EMC8: variants seen among roughly 807,000 people sequenced by gnomAD.
EMC8 encodes ER membrane protein complex subunit 8.
Under a neutral mutation model 24.3 loss-of-function variants are expected in EMC8, and 11 were observed. That is an observed-to-expected ratio of 0.45 (90% CI 0.28 to 0.75). EMC8 has a LOEUF of 0.75. Ranked by LOEUF, EMC8 falls within the 30% of genes least tolerant of loss-of-function variation. EMC8 has a pLI of 0.12. For synonymous variants in EMC8, 145 were observed against 117.7 expected, an observed-to-expected ratio of 1.23 and a Z score of -1.50; for missense variants, 277 against 282.7, an observed-to-expected ratio of 0.98 and a Z score of 0.14.
intron 2 of EMC8, chr16:85,787,701 G>A (rs1025201947): frequency 6.6e-5 from 10 of 152,226 alleles, no homozygotes; most frequent in Admixed American, 1.3e-4. Context: ...AAGAGCCAAT[G>A]TGCATGGGGA....
At chr16:85,785,580 GC>G (rs200859546) in intron 2 of EMC8, among the ~76,000 whole-genome samples, 2,970 of 151,790 alleles carry the variant, frequency 0.02, 86 homozygotes, top group African/African-American at 0.066. Context: ...CTCTGCCACC[GC>G]CCCGCCAAAA....
intron 2 of EMC8, among the ~76,000 whole-genome samples, chr16:85,788,457 T>C (rs1167343570): frequency 6.6e-6 from 1 of 152,232 alleles, no homozygotes; most frequent in Non-Finnish European, 1.5e-5. Context: ...CGCAGACATA[T>C]AGAAAAATTC....
At chr16:85,784,127 T>C (rs1904640247) in intron 2 of EMC8, among the ~76,000 whole-genome samples, 1 of 152,190 alleles carries the variant, frequency 6.6e-6, no homozygotes, top group African/African-American at 2.4e-5. Context: ...GCCTCCCAAG[T>C]AGCTGGGACT....
intron 1 of EMC8, 84 bp from the exon 2 acceptor site, chr16:85,789,134 A>T: frequency 2.3e-6 from 2 of 866,560 alleles, no homozygotes; most frequent in Non-Finnish European, 4.0e-6. Flanking sequence ...TCACTGCCAC[A>T]TGCTGGGACA....
intron 1 of EMC8, chr16:85,793,039 T>C (rs1337618005): frequency 1.3e-5 from 2 of 152,178 alleles, no homozygotes; most frequent in East Asian, 3.9e-4. Flanking sequence ...GAAAGGACAT[T>C]TTCACCTTGG....
In EMC8 at chr16:85,780,370, C is replaced by G. The variant is rs768543734; in HGVS notation, c.473+9G>C. The G allele has an allele frequency of 1.2e-6, 2 of 1,609,558 alleles. No individual in the cohort carries two copies. Among genetic ancestry groups the G allele is most frequent in the Non-Finnish European group, 1.7e-6 (2 of 1,176,028 alleles). The stretch of plus-strand genomic sequence containing the variant: ...GCCCAGCCCGCGCGGCAGCATGGGG[C>G]GCACTCACTGGTGTGGGTCTCTGCA... On this transcript the variant is annotated intron_variant, in intron 4 of 4. Coordinates refer to ENST00000253457, the MANE Select transcript of EMC8 (RefSeq NM_006067.5).
chr16:85,782,335 C>G (rs946645129), intron 2 of EMC8, among the ~76,000 whole-genome samples: 2 of 152,226 alleles, frequency 1.3e-5, no homozygotes, highest in African/African-American at 4.8e-5. Flanking sequence ...GCCACCCAAC[C>G]CTGATAAATG....
intron 1 of EMC8, chr16:85,792,849 T>A (rs73259043): frequency 1.3e-5 from 2 of 152,230 alleles, no homozygotes; most frequent in Non-Finnish European, 2.9e-5. Context: ...CATTTCCATG[T>A]CCCTGCTTCG....
At chr16:85,788,153 A>G (rs1376452369) in intron 2 of EMC8, among the ~76,000 whole-genome samples, 1 of 152,210 alleles carries the variant, frequency 6.6e-6, no homozygotes, top group African/African-American at 2.4e-5. Flanking sequence ...CAGCCAAAGG[A>G]AAATGGAAGG....
At chr16:85,795,703 T>C (rs561828523) in intron 1 of EMC8, among the ~76,000 whole-genome samples, 1 of 152,184 alleles carries the variant, frequency 6.6e-6, no homozygotes, top group Non-Finnish European at 1.5e-5. Context: ...GTGTCCTGTA[T>C]AATAAACCCA....
Position 85,799,203 on chromosome 16 carries a change from C to A in EMC8, c.93G>T (p.Val31=). The A allele has an allele frequency of 1.2e-6, 2 of 1,613,450 alleles. No homozygotes were observed. The highest frequency in any genetic ancestry group is 4.5e-5 in the East Asian group (2 of 44,866). ...CCTTACGCGGCTTCTGCTTCTCGGC[C>A]ACCAGGAGCCCGTTGACGGCGCAGT... is the stretch of plus-strand genomic sequence containing the variant. ...YPHCAVNGLL[V]AEKQKPRKEH... Residue 31 remains valine (V), a synonymous_variant, in exon 1 of 5, where the codon GTG becomes GTT. Coordinates refer to ENST00000253457, the MANE Select transcript of EMC8 (RefSeq NM_006067.5). The surrounding 1 kb of genome is among the most constrained non-coding windows in gnomAD (Gnocchi z 4.2).
intron 1 of EMC8, among the ~76,000 whole-genome samples, chr16:85,789,909 C>T (rs552342077): frequency 3.9e-5 from 6 of 152,170 alleles, no homozygotes; most frequent in Admixed American, 3.3e-4. Flanking sequence ...TAGGAAGGGG[C>T]ACGTGCACAT....
chr16:85,789,090 T>C (rs748262512), intron 1 of EMC8, 40 bp from the exon 2 acceptor site: 1 of 1,324,024 alleles, frequency 7.6e-7, no homozygotes, highest in South Asian at 1.2e-5. Flanking sequence ...TGAATGACTC[T>C]CCCTTAAATA....
chr16:85,785,570 C>T (rs939650645), intron 2 of EMC8, among the ~76,000 whole-genome samples: 8 of 151,754 alleles, frequency 5.3e-5, no homozygotes, highest in Non-Finnish European at 8.8e-5. Flanking sequence ...ACTCTGTCTG[C>T]TCTGCCACCG....
chr16:85,783,428 G>T (rs921692727), intron 2 of EMC8, among the ~76,000 whole-genome samples: 15 of 152,278 alleles, frequency 9.9e-5, no homozygotes, highest in African/African-American at 3.6e-4. Flanking sequence ...CAAGCAGCTG[G>T]GACCACAGGC....
chr16:85,788,868 G>A (rs973275163), intron 2 of EMC8, 106 bp downstream of exon 2: 20 of 789,292 alleles, frequency 2.5e-5, no homozygotes, highest in South Asian at 5.4e-5. Flanking sequence ...GAGGGAAGGG[G>A]TGTAGGTCTC....
chr16:85,790,185 A>G (rs1318560962), intron 1 of EMC8, among the ~76,000 whole-genome samples: 1 of 152,162 alleles, frequency 6.6e-6, no homozygotes, highest in Admixed American at 6.5e-5. Flanking sequence ...ACTGGTTAAA[A>G]ATGGATGTGT....
At chr16:85,789,212 G>A (rs1904893782) in intron 1 of EMC8, among the ~76,000 whole-genome samples, 162 bp from the exon 2 acceptor site, 1 of 152,120 alleles carries the variant, frequency 6.6e-6, no homozygotes, top group African/African-American at 2.4e-5. Flanking sequence ...AGGAAAAAAT[G>A]GTCAGGAAGG....
chr16:85,794,960 C>T (rs1231406145), intron 1 of EMC8, among the ~76,000 whole-genome samples: 1 of 152,168 alleles, frequency 6.6e-6, no homozygotes, highest in Non-Finnish European at 1.5e-5. Flanking sequence ...CATCTTTCCT[C>T]CCTGGTAAGT....
Sources: allele counts gnomAD v4.1 joint callset (sites outside exome capture counted in the v4.1 genomes callset), GRCh38; gene constraint gnomAD v4.1.1; non-coding constraint Gnocchi (gnomAD v3.1); transcripts MANE v1.5; gene names NCBI Gene and HGNC (gene_info 2026-07-23, HGNC 2026-07-21).